PDE4D: variants seen among roughly 807,000 people sequenced by gnomAD.
The protein encoded by PDE4D is 3',5'-cyclic-AMP phosphodiesterase 4D.
A neutral mutation model predicts 87.4 loss-of-function variants in PDE4D; 24 were observed. That is an observed-to-expected ratio of 0.27 (90% CI 0.20 to 0.39). The LOEUF is 0.39. PDE4D is among the 10% of genes least tolerant of loss of function. The probability of loss-of-function intolerance (pLI) is 1.00; values close to 1 mark genes in which losing one functional copy is unlikely to be tolerated. For synonymous variants in PDE4D, 384 were observed against 383.2 expected, an observed-to-expected ratio of 1.00 and a Z score of -0.02; for missense variants, 714 against 1,041.0, an observed-to-expected ratio of 0.69 and a Z score of 4.32.
intron 1 of PDE4D, among the ~76,000 whole-genome samples, chr5:59,535,223 A>G (rs1334247651): frequency 6.6e-6 from 1 of 152,020 alleles, no homozygotes; most frequent in African/African-American, 2.4e-5. Context: ...AAGTCTGTGA[A>G]CCTCTAAAGC....
At chr5:59,957,692 A>C (rs1174393646) in intron 3 of PDE4D, among the ~76,000 whole-genome samples, 4 of 152,108 alleles carry the variant, frequency 2.6e-5, no homozygotes, top group African/African-American at 9.7e-5. Flanking sequence ...AGATAAAAGG[A>C]CATGAGGTAG....
At chr5:59,486,091 T>C (rs1805100131) in intron 1 of PDE4D, among the ~76,000 whole-genome samples, 1 of 152,142 alleles carries the variant, frequency 6.6e-6, no homozygotes, top group Admixed American at 6.6e-5. Context: ...TAAAATATTT[T>C]TTCTGGACTC....
intron 3 of PDE4D, among the ~76,000 whole-genome samples, chr5:59,981,741 C>T (rs1761953649): frequency 1.3e-5 from 2 of 152,232 alleles, no homozygotes; most frequent in South Asian, 4.1e-4. Context: ...GCTTTATAAA[C>T]ACCCTTATAT....
rs570263264 is a variant in PDE4D, at chr5:59,301,436, C to G, written c.456-85468G>C. On this transcript the variant is annotated intron_variant, in intron 1 of 14. Coordinates refer to ENST00000340635, the MANE Select transcript of PDE4D (RefSeq NM_001104631.2). ...TATGTCCAAATGGCTCTTGAATCTA[C>G]ACTTATTATAGCAAATATTTTAACG... is the stretch of plus-strand genomic sequence containing the variant. 3.9e-5 allele frequency among the ~76,000 whole-genome samples: 6 copies of G among 152,266 alleles called. No individual in the cohort carries two copies. The South Asian group carries it at 1.2e-3, about 32-fold the overall frequency.
At chr5:59,719,146 G>C (rs1364804062) in intron 1 of PDE4D, among the ~76,000 whole-genome samples, 1 of 152,048 alleles carries the variant, frequency 6.6e-6, no homozygotes, top group Non-Finnish European at 1.5e-5. Flanking sequence ...CCAAAACAAT[G>C]GGACTATTCT....
intron 10 of PDE4D, 54 bp downstream of exon 10, chr5:58,989,701 T>C (rs769390885): frequency 1.7e-6 from 2 of 1,159,650 alleles, no homozygotes; most frequent in Non-Finnish European, 2.4e-6. Flanking sequence ...AAAAGTTTAA[T>C]AGACCTTTAT....
chr5:59,723,422 C>T (rs1451768391), intron 1 of PDE4D, among the ~76,000 whole-genome samples: 1 of 152,052 alleles, frequency 6.6e-6, no homozygotes, highest in African/African-American at 2.4e-5. Context: ...AACACAGAGC[C>T]TAGAACAGAG....
At chr5:59,155,046 G>T (rs1175022761) in intron 5 of PDE4D, among the ~76,000 whole-genome samples, 4 of 152,152 alleles carry the variant, frequency 2.6e-5, no homozygotes, top group Admixed American at 6.5e-5. Flanking sequence ...TGAAGAGTTG[G>T]ATATCAATGG....
chr5:59,439,428 G>A (rs979257864), intron 1 of PDE4D, among the ~76,000 whole-genome samples: 33 of 151,638 alleles, frequency 2.2e-4, no homozygotes, highest in South Asian at 2.1e-4. Context: ...ACAATGCTGC[G>A]CTGCCATAAA....
intron 1 of PDE4D, among the ~76,000 whole-genome samples, chr5:60,293,292 A>T (rs945943789): frequency 2.6e-5 from 4 of 152,020 alleles, no homozygotes; most frequent in Admixed American, 2.0e-4. Context: ...TTGGGAGGCG[A>T]TCACAAGGTC....
intron 1 of PDE4D, among the ~76,000 whole-genome samples, chr5:59,469,504 T>C (rs755549452): frequency 2.0e-5 from 3 of 152,230 alleles, no homozygotes; most frequent in Non-Finnish European, 2.9e-5. Flanking sequence ...TGTCTTTGAC[T>C]GTCTGCTGGT....
chr5:59,546,130 T>C (rs902237552), intron 1 of PDE4D, among the ~76,000 whole-genome samples: 6 of 152,182 alleles, frequency 3.9e-5, no homozygotes, highest in Non-Finnish European at 8.8e-5. Flanking sequence ...CAGCTTAGTT[T>C]ATCCAATAGC....
rs1434457494 is a variant in PDE4D, at chr5:59,417,273, A to T, written c.456-201305T>A. Among the ~76,000 whole-genome samples the T allele has an allele frequency of 2.0e-5, 3 of 152,202 alleles. No homozygotes were observed. The East Asian group carries it at 5.8e-4, about 29-fold the overall frequency. ...TTATAGCAATGAGGTGCTCACACCGATAAGGCAAATAAAAAGTAACATCTC... is the reference window on the plus strand; with the variant it reads ...TTATAGCAATGAGGTGCTCACACCGTTAAGGCAAATAAAAAGTAACATCTC... On this transcript the variant is annotated intron_variant, in intron 1 of 14. Transcript: ENST00000340635.
At chr5:60,504,781 A>G (rs1254281409) in intron 1 of PDE4D, among the ~76,000 whole-genome samples, 2 of 152,068 alleles carry the variant, frequency 1.3e-5, no homozygotes. Flanking sequence ...AAAAATGGGG[A>G]TATTCTTTTA....
At chr5:59,189,018 A>C (rs1311733646) in intron 3 of PDE4D, among the ~76,000 whole-genome samples, 1 of 152,164 alleles carries the variant, frequency 6.6e-6, no homozygotes, top group Non-Finnish European at 1.5e-5. Context: ...CACAGTCTGC[A>C]AGCTTGAGGA....
At chr5:59,788,535 G>A (rs183315297) in intron 1 of PDE4D, among the ~76,000 whole-genome samples, 1 of 152,290 alleles carries the variant, frequency 6.6e-6, no homozygotes, top group African/African-American at 2.4e-5. Flanking sequence ...ACATCCATTG[G>A]AGCAGCTACA....
At chr5:60,113,033 G>A (rs1253047278) in intron 2 of PDE4D, among the ~76,000 whole-genome samples, 1 of 152,014 alleles carries the variant, frequency 6.6e-6, no homozygotes, top group Admixed American at 6.6e-5. Flanking sequence ...GATGTTCCAT[G>A]GGCTTACTTT....
chr5:59,781,842 G>A (rs1764670876), intron 1 of PDE4D, among the ~76,000 whole-genome samples: 1 of 143,016 alleles, frequency 7.0e-6, no homozygotes, highest in African/African-American at 2.6e-5. Flanking sequence ...GGCGTATGCT[G>A]ATTTCCATTT....
intron 1 of PDE4D, among the ~76,000 whole-genome samples, chr5:59,595,478 G>A (rs372252196): frequency 6.6e-6 from 1 of 152,060 alleles, no homozygotes; most frequent in African/African-American, 2.4e-5. Context: ...GGAATAGTGG[G>A]TTTACCACCG....
Sources: allele counts gnomAD v4.1 joint callset (sites outside exome capture counted in the v4.1 genomes callset), GRCh38; gene constraint gnomAD v4.1.1; transcripts MANE v1.5; gene names NCBI Gene and HGNC (gene_info 2026-07-23, HGNC 2026-07-21).